The following VPS13B variants were observed in gnomAD, a reference collection of about 807,000 sequenced individuals.
The protein encoded by VPS13B is intermembrane lipid transfer protein VPS13B.
In VPS13B, 285 loss-of-function variants were observed where a neutral mutation model predicts 426.4. The observed-to-expected ratio is 0.67, with a 90% confidence interval of 0.61 to 0.74. The LOEUF is 0.74. Among genes scored for constraint, VPS13B ranks in the 30% least tolerant of loss-of-function variants. The pLI is 0.00. For missense variants in VPS13B, 4,537 were observed against 4,782.6 expected (o/e 0.95, Z 1.51); for synonymous variants, 1,676 against 1,676.4 (o/e 1.00, Z 0.01).
At chr8:99,566,411 A>G (rs111304596) in intron 31 of VPS13B, among the ~76,000 whole-genome samples, 4,714 of 151,776 alleles carry the variant, frequency 0.031, 96 homozygotes, top group East Asian at 0.06. Context: ...AAAGCCCTAA[A>G]TAGCCAGTTT....
intron 60 of VPS13B, 105 bp from the exon 61 acceptor site, chr8:99,871,343 G>A: frequency 6.5e-7 from 1 of 1,549,232 alleles, no homozygotes; most frequent in South Asian, 1.1e-5. Flanking sequence ...ATTGGTGAGG[G>A]CCCTTTGCCC....
At chr8:99,253,590 CCTTTCA>C (rs1314833707) in intron 17 of VPS13B, among the ~76,000 whole-genome samples, 1 of 152,000 alleles carries the variant, frequency 6.6e-6, no homozygotes, top group African/African-American at 2.4e-5. Context: ...CTTTTTCCAC[CCTTTCA>C]CTTTCAACTT....
At chr8:99,048,340 T>A (rs1049087029) in intron 3 of VPS13B, among the ~76,000 whole-genome samples, 2 of 152,206 alleles carry the variant, frequency 1.3e-5, no homozygotes, top group Non-Finnish European at 2.9e-5. Flanking sequence ...TTGGATAGAA[T>A]GTTCTGTAAA....
chr8:99,189,351 A>T (rs1013120968), intron 16 of VPS13B, among the ~76,000 whole-genome samples: 1 of 152,184 alleles, frequency 6.6e-6, no homozygotes, highest in Admixed American at 6.5e-5. Flanking sequence ...AAGTCTGGGA[A>T]ATTCTGGAGA....
chr8:99,739,599 G>A (rs895312735), intron 39 of VPS13B, among the ~76,000 whole-genome samples: 2 of 152,138 alleles, frequency 1.3e-5, no homozygotes, highest in African/African-American at 2.4e-5. Context: ...CACCTCACAC[G>A]GCCAGGTACT....
intron 17 of VPS13B, among the ~76,000 whole-genome samples, chr8:99,263,507 G>A (rs1818155003): frequency 1.3e-5 from 2 of 152,072 alleles, no homozygotes; most frequent in South Asian, 4.1e-4. Flanking sequence ...CTTTTTACAG[G>A]CTCTAAGATA....
At chr8:99,739,935 G>A (rs1380614285) in intron 39 of VPS13B, among the ~76,000 whole-genome samples, 3 of 152,180 alleles carry the variant, frequency 2.0e-5, no homozygotes, top group East Asian at 1.9e-4. Flanking sequence ...CCAAAGGAAC[G>A]CAGCTCCTCA....
At chr8:99,536,536 C>T in intron 30 of VPS13B, 1 of 418,812 alleles carries the variant, frequency 2.4e-6, no homozygotes, top group Non-Finnish European at 4.9e-6. Flanking sequence ...ATGTCATATA[C>T]ATATGTGTGT....
rs550689246 is a variant in VPS13B, at chr8:99,210,448, G to A, written c.2515+17391G>A. Among the ~76,000 whole-genome samples, 8 of 152,110 alleles carry A rather than the reference G, an allele frequency of 5.3e-5. No homozygotes were observed. In the South Asian group the frequency reaches 8.3e-4, roughly 16 times the overall value. ...TATGGCCATTGGATTCCACTGGATC[G>A]GATATCGGGTCATTTTTGTAGTGTT... is the stretch of plus-strand genomic sequence containing the variant. On this transcript the variant is annotated intron_variant, in intron 17 of 61. Transcript: ENST00000357162.
At chr8:99,533,478 C>T (rs1823038589) in intron 30 of VPS13B, among the ~76,000 whole-genome samples, 1 of 152,078 alleles carries the variant, frequency 6.6e-6, no homozygotes, top group African/African-American at 2.4e-5. Flanking sequence ...TCTGACTTTT[C>T]ATAGGGTTAA....
intron 3 of VPS13B, among the ~76,000 whole-genome samples, chr8:99,065,062 A>G (rs1844409311): frequency 6.6e-6 from 1 of 152,320 alleles, no homozygotes; most frequent in East Asian, 1.9e-4. Flanking sequence ...AAATGCTGAG[A>G]GATTTTGTCA....
intron 39 of VPS13B, among the ~76,000 whole-genome samples, chr8:99,750,310 C>T (rs2130534691): frequency 6.6e-6 from 1 of 152,112 alleles, no homozygotes; most frequent in South Asian, 2.1e-4. Context: ...CCCTGATGTC[C>T]CCTGTCTCCA....
chr8:99,055,724 T>A (rs1843811557), intron 3 of VPS13B, among the ~76,000 whole-genome samples: 1 of 151,786 alleles, frequency 6.6e-6, no homozygotes, highest in South Asian at 2.1e-4. Flanking sequence ...TTTTGGTGAG[T>A]TGATCTTTTA....
chr8:99,295,458 T>C (rs1486257293), intron 19 of VPS13B, among the ~76,000 whole-genome samples: 2 of 152,340 alleles, frequency 1.3e-5, no homozygotes, highest in African/African-American at 2.4e-5. Flanking sequence ...CCTTGACTTA[T>C]GATGTTACAG....
At chr8:99,262,932 C>T (rs927788355) in intron 17 of VPS13B, among the ~76,000 whole-genome samples, 2 of 152,072 alleles carry the variant, frequency 1.3e-5, no homozygotes, top group Non-Finnish European at 2.9e-5. Flanking sequence ...GTCACCATGC[C>T]TGGCTAATTT....
chr8:99,721,300 A>C (rs1833121284), intron 39 of VPS13B, among the ~76,000 whole-genome samples: 2 of 152,174 alleles, frequency 1.3e-5, no homozygotes, highest in African/African-American at 4.8e-5. Flanking sequence ...TTTTATTGTG[A>C]GTAGATTATA....
At chr8:99,427,383 A>T (rs1258083481) in intron 21 of VPS13B, among the ~76,000 whole-genome samples, 1 of 143,012 alleles carries the variant, frequency 7.0e-6, no homozygotes, top group African/African-American at 2.6e-5. Context: ...CTTAGGATTG[A>T]CTTGGCAATG....
In VPS13B at chr8:99,384,278, C is replaced by G; in HGVS notation, c.2895C>G (p.Ile965Met). 6.2e-7 allele frequency: 1 copy of G among 1,613,916 alleles called. No individual in the cohort carries two copies. The highest frequency in any genetic ancestry group is 8.5e-7 in the Non-Finnish European group (1 of 1,179,910). Residue 965 changes from isoleucine (I) to methionine (M), a missense_variant, in exon 20 of 62, where the codon ATC becomes ATG. Physicochemically the swap from Ile to Met is conservative, Grantham distance 10 (BLOSUM62 1). Around this residue, in one of 2 missense-constraint regions of VPS13B, gnomAD observed 4,311 missense variants for 4,474.3 expected, o/e 0.96. Coordinates refer to ENST00000357162, the MANE Select transcript of VPS13B (RefSeq NM_152564.5). Reference protein sequence around the residue: ...NIDPILYTWLIYQPQKRTSRH... With the variant: ...NIDPILYTWLMYQPQKRTSRH... ...ACCCAATCTTATATACGTGGCTCAT[C>G]TATCAGCCTCAGAAACGAACAAGTA... is the stretch of plus-strand genomic sequence containing the variant.
chr8:99,067,617 A>G (rs1844607159), intron 3 of VPS13B, among the ~76,000 whole-genome samples: 1 of 152,268 alleles, frequency 6.6e-6, no homozygotes, highest in Non-Finnish European at 1.5e-5. Flanking sequence ...CGTTGTGCAC[A>G]TGTACCCTAG....
Sources: gnomAD v4.1 joint callset for allele counts (sites outside exome capture counted in the v4.1 genomes callset) on GRCh38, gnomAD v4.1.1 for gene constraint, gnomAD v4.1.1 regional missense constraint, MANE v1.5 for transcripts, NCBI Gene and HGNC (gene_info 2026-07-23, HGNC 2026-07-21) for gene names.